The following CLUL1 variants were observed in gnomAD, a reference collection of about 807,000 sequenced individuals.
CLUL1 encodes the protein clusterin like 1.
Under a neutral mutation model 49.4 loss-of-function variants are expected in CLUL1, and 43 were observed. The observed-to-expected ratio is 0.87, with a 90% CI of 0.68 to 1.12. The LOEUF is 1.12. Ranked by LOEUF, CLUL1 falls within the 50% of genes most tolerant of loss-of-function variation. CLUL1 has a pLI of 0.00. For missense variants in CLUL1, 486 were observed against 544.4 expected, an observed-to-expected ratio of 0.89 and a Z score of 1.07; for synonymous variants, 192 against 184.9, an observed-to-expected ratio of 1.04 and a Z score of -0.31.
intron 9 of CLUL1, among the ~76,000 whole-genome samples, chr18:648,065 C>T (rs1011150297): frequency 1.3e-5 from 2 of 152,022 alleles, no homozygotes; most frequent in Non-Finnish European, 1.5e-5. Flanking sequence ...TAACAGTAGG[C>T]GAAGGTGGAA....
intron 9 of CLUL1, among the ~76,000 whole-genome samples, chr18:645,865 CTT>C (rs1363255672): frequency 1.7e-5 from 2 of 116,558 alleles, no homozygotes; most frequent in South Asian, 3.0e-4. Context: ...TAAACATACT[CTT>C]AATGTGTAAA....
In CLUL1 at chr18:620,539, T is replaced by C. The variant is rs116702549; in HGVS notation, c.255+1178T>C. Among the ~76,000 whole-genome samples, 751 of 152,336 alleles carry C rather than the reference T, an allele frequency of 4.9e-3. 6 individuals carry two copies. Among genetic ancestry groups the C allele is most frequent in the African/African-American group, 0.017 (711 of 41,584 alleles). On this transcript the variant is annotated intron_variant, in intron 4 of 9. Transcript: ENST00000692774. ...AACTATAGTTGATTCTTCTGGAATG[T>C]AGAGGATCCCCTTTTCCCCAAGGTC...
intron 2 of CLUL1, among the ~76,000 whole-genome samples, chr18:615,991 A>G (rs1398654117): frequency 1.3e-5 from 2 of 152,180 alleles, no homozygotes; most frequent in East Asian, 3.9e-4. Flanking sequence ...CTGCTTGGAC[A>G]AGTGCTGAGT....
chr18:634,896 C>A (rs1375512054), intron 7 of CLUL1, among the ~76,000 whole-genome samples: 1 of 152,172 alleles, frequency 6.6e-6, no homozygotes, highest in Non-Finnish European at 1.5e-5. Context: ...CAAATTACAA[C>A]TTTTCTTACA....
intron 2 of CLUL1, among the ~76,000 whole-genome samples, chr18:611,180 C>G (rs1274184258): frequency 6.6e-6 from 1 of 151,958 alleles, no homozygotes; most frequent in East Asian, 1.9e-4. Flanking sequence ...TACAGCTCAC[C>G]TGCACCTTTG....
chr18:611,322 C>T (rs987496918), intron 2 of CLUL1, among the ~76,000 whole-genome samples: 7 of 148,520 alleles, frequency 4.7e-5, no homozygotes, highest in South Asian at 2.2e-4. Context: ...CTTTCTGTGG[C>T]AGATTGGGAT....
intron 4 of CLUL1, among the ~76,000 whole-genome samples, chr18:623,644 C>CAA (rs59558949): frequency 5.3e-4 from 38 of 71,068 alleles, no homozygotes; most frequent in African/African-American, 1.8e-3. Flanking sequence ...GACTCTGTCT[C>CAA]AAAAAAAAAA....
chr18:602,771 G>A (rs1348943556), intron 1 of CLUL1, among the ~76,000 whole-genome samples: 1 of 152,168 alleles, frequency 6.6e-6, no homozygotes, highest in Non-Finnish European at 1.5e-5. Context: ...GCTGAACACT[G>A]AAGGATAAGA....
intron 2 of CLUL1, chr18:612,637 A>G (rs764895733): frequency 6.6e-6 from 1 of 152,240 alleles, no homozygotes; most frequent in East Asian, 1.9e-4. Flanking sequence ...TTCCTCGGCC[A>G]CTTATCCTCA....
chr18:611,234 CT>C (rs57499796), intron 2 of CLUL1, among the ~76,000 whole-genome samples: 57,408 of 128,962 alleles, frequency 0.45, 12,462 homozygotes, highest in East Asian at 0.75. Context: ...CACCCCCCAC[CT>C]TTTTTTTTTT....
rs1404299300 is a variant in CLUL1, at chr18:645,809, AAATATATATATATATATATAT to A, written c.1397+714_1397+734del. 2.4e-4 allele frequency among the ~76,000 whole-genome samples: 17 copies of A among 70,472 alleles called. 3 individuals are homozygous for A. The highest frequency in any genetic ancestry group is 3.7e-4 in the Non-Finnish European group (14 of 37,832). The allele number at this position is 70,472 out of a possible 152,430, so 46.2% of individuals were successfully genotyped here. A position where few individuals can be genotyped will look rare whatever the true frequency, so the allele number is the denominator to read the frequency against. On this transcript the variant is annotated intron_variant, in intron 9 of 9. Transcript: ENST00000692774. ...ACTCTGTTTAAAAAAAAAAAAAAAA[AAATATATATATATATATATAT>A]ATATATATATATATATATATATGTT...
intron 9 of CLUL1, among the ~76,000 whole-genome samples, chr18:645,518 G>A (rs1218565034): frequency 2.0e-5 from 3 of 151,716 alleles, no homozygotes; most frequent in Admixed American, 1.3e-4. Flanking sequence ...AATGTTGGCC[G>A]GGCGCAGTGG....
intron 1 of CLUL1, among the ~76,000 whole-genome samples, chr18:603,657 C>G (rs969044943): frequency 6.6e-6 from 1 of 152,084 alleles, no homozygotes; most frequent in Non-Finnish European, 1.5e-5. Flanking sequence ...TAGATGCACT[C>G]GTGTGTGTGT....
intron 9 of CLUL1, among the ~76,000 whole-genome samples, chr18:646,163 T>C (rs1200552919): frequency 6.6e-6 from 1 of 151,814 alleles, no homozygotes; most frequent in Non-Finnish European, 1.5e-5. Flanking sequence ...CCTGTTAAGA[T>C]ATTTGCTCAA....
chr18:645,597 C>CTGGATCTCACGGATAACTGCGGAT (rs2074449601), intron 9 of CLUL1, among the ~76,000 whole-genome samples: 4 of 150,868 alleles, frequency 2.7e-5, no homozygotes. Flanking sequence ...AGATTGAGAC[C>CTGGATCTCACGGATAACTGCGGAT]ATCCTGGATA....
intron 8 of CLUL1, among the ~76,000 whole-genome samples, chr18:643,672 C>A (rs1290335442): frequency 1.3e-5 from 2 of 152,140 alleles, no homozygotes; most frequent in African/African-American, 4.8e-5. Context: ...ATAAAAACCT[C>A]CACATAAAAT....
rs116338488 is a variant in CLUL1, at chr18:602,948, G to T, written c.-135-4030G>T. Among the ~76,000 whole-genome samples, 647 of 152,292 alleles carry T rather than the reference G, an allele frequency of 4.2e-3. 6 individuals carry two copies. Among genetic ancestry groups the T allele is most frequent in the African/African-American group, 0.015 (615 of 41,554 alleles). On this transcript the variant is annotated intron_variant, in intron 1 of 9. Transcript: ENST00000692774. ...GTCAGAGAGTTTCAGGGTGGGGAAGGTCTTGCAGGACCTTGTAGGTAATTG... is the reference window on the plus strand; with the variant it reads ...GTCAGAGAGTTTCAGGGTGGGGAAGTTCTTGCAGGACCTTGTAGGTAATTG...
At chr18:648,501 A>C (rs1429921681) in intron 9 of CLUL1, among the ~76,000 whole-genome samples, 2 of 152,116 alleles carry the variant, frequency 1.3e-5, no homozygotes, top group African/African-American at 4.8e-5. Context: ...TGTTTTCCTT[A>C]TTCACATTTT....
intron 6 of CLUL1, among the ~76,000 whole-genome samples, chr18:632,660 A>G (rs147069854): frequency 6.9e-4 from 105 of 152,126 alleles, no homozygotes; most frequent in African/African-American, 2.5e-3. Flanking sequence ...TACCTTATCA[A>G]CTCCCTCTTC....
Sources: allele counts gnomAD v4.1 joint callset (sites outside exome capture counted in the v4.1 genomes callset), GRCh38; gene constraint gnomAD v4.1.1; transcripts MANE v1.5; gene names NCBI Gene and HGNC (gene_info 2026-07-23, HGNC 2026-07-21).